Variants in TEKT3 observed in about 807,000 individuals in gnomAD.
TEKT3 encodes tektin 3, also known as tektin-3.
A neutral mutation model predicts 49.8 loss-of-function variants in TEKT3; 49 were observed. That is an observed-to-expected ratio of 0.98 (90% confidence interval 0.78 to 1.25). TEKT3 has a LOEUF of 1.25. Among genes scored for constraint, TEKT3 ranks in the 50% most tolerant of loss-of-function variants. TEKT3 has a pLI of 0.00. For synonymous variants in TEKT3, 225 were observed against 237.2 expected, an observed-to-expected ratio of 0.95 and a Z score of 0.47; for missense variants, 595 against 629.5, an observed-to-expected ratio of 0.95 and a Z score of 0.59.
At chr17:15,319,736 A>G (rs1313437109) in intron 4 of TEKT3, among the ~76,000 whole-genome samples, 1 of 152,170 alleles carries the variant, frequency 6.6e-6, no homozygotes, top group Non-Finnish European at 1.5e-5. Context: ...ACTGGACCAC[A>G]CACGTTGCCT....
chr17:15,309,702 T>C (rs113095286), intron 7 of TEKT3, among the ~76,000 whole-genome samples: 28 of 152,244 alleles, frequency 1.8e-4, no homozygotes, highest in Middle Eastern at 6.8e-3. Context: ...GCCAAATGTA[T>C]TCAACCATGG....
At chr17:15,313,699 G>A (rs1910865884) in intron 6 of TEKT3, among the ~76,000 whole-genome samples, 2 of 151,922 alleles carry the variant, frequency 1.3e-5, no homozygotes, top group South Asian at 4.2e-4. Flanking sequence ...AGTAGAGACG[G>A]GGTTTCACCA....
intron 5 of TEKT3, among the ~76,000 whole-genome samples, chr17:15,317,376 G>A (rs141214757): frequency 2.6e-5 from 4 of 152,258 alleles, no homozygotes; most frequent in Non-Finnish European, 5.9e-5. Flanking sequence ...AATAAAATGC[G>A]AATTAGGAAC....
Position 15,331,525 on chromosome 17 carries a change from T to C in TEKT3, c.61A>G (p.Asn21Asp), listed in dbSNP as rs2150750997. The change falls in exon 3 of 9, where the codon AAC becomes GAC. Residue 21 changes from asparagine (N) to aspartate (D), a missense_variant. Physicochemically the swap from Asn to Asp is conservative, Grantham distance 23 (BLOSUM62 1). Coordinates refer to ENST00000395930, the MANE Select transcript of TEKT3 (RefSeq NM_031898.3). ...TYAHPRPTPT[N>D]FLPAISTMAS... is the part of the protein sequence containing the mutation. ...ATGGTACTGATGGCTGGTAGAAAGT[T>C]GGTTGGTGTTGGTCTAGGGTGGGCG... 6.2e-7 allele frequency: 1 copy of C among 1,614,102 alleles called. No individual in the cohort carries two copies. The highest frequency in any genetic ancestry group is 1.3e-5 in the African/African-American group (1 of 75,020).
chr17:15,306,570 AAAG>A (rs1015752930), intron 8 of TEKT3, among the ~76,000 whole-genome samples: 5 of 152,138 alleles, frequency 3.3e-5, no homozygotes, highest in African/African-American at 9.7e-5. Context: ...AAAAAAAAAA[AAAG>A]AGTAAAAATC....
intron 8 of TEKT3, among the ~76,000 whole-genome samples, chr17:15,306,214 A>G (rs900577086): frequency 7.2e-5 from 11 of 151,978 alleles, no homozygotes; most frequent in Admixed American, 2.6e-4. Context: ...AATGTTTAGA[A>G]TCACTTTTGA....
At chr17:15,319,311 T>A (rs1911153343) in intron 4 of TEKT3, among the ~76,000 whole-genome samples, 164 bp from the exon 5 acceptor site, 1 of 152,204 alleles carries the variant, frequency 6.6e-6, no homozygotes, top group Admixed American at 6.5e-5. Context: ...ACATGCTCCA[T>A]GATACTGGAA....
chr17:15,307,780 A>G (rs1413430579), intron 8 of TEKT3, among the ~76,000 whole-genome samples: 2 of 152,142 alleles, frequency 1.3e-5, no homozygotes, highest in Non-Finnish European at 2.9e-5. Flanking sequence ...GTTGCTATCA[A>G]GTTGATTTAC....
At chr17:15,333,045 A>G (rs1188788468) in intron 2 of TEKT3, among the ~76,000 whole-genome samples, 3 of 149,560 alleles carry the variant, frequency 2.0e-5, no homozygotes, top group African/African-American at 7.4e-5. Context: ...TAACTTAAGT[A>G]TATTTTCTGG....
intron 3 of TEKT3, among the ~76,000 whole-genome samples, chr17:15,328,582 C>T (rs1284611045): frequency 6.6e-6 from 1 of 152,136 alleles, no homozygotes; most frequent in East Asian, 1.9e-4. Context: ...TGCCTTTACT[C>T]ACTAAAGAGA....
intron 2 of TEKT3, among the ~76,000 whole-genome samples, chr17:15,333,752 TTTTATTTTA>T (rs1911871960): frequency 1.5e-5 from 2 of 137,316 alleles, no homozygotes; most frequent in African/African-American, 2.9e-5. Context: ...TTTTATTTTA[TTTTATTTTA>T]TTTTATTTTT....
At chr17:15,341,810 G>A (rs1912244777), upstream of TEKT3, among the ~76,000 whole-genome samples, 1 of 152,202 alleles carries the variant, frequency 6.6e-6, no homozygotes. Flanking sequence ...CCGCCCTCCG[G>A]GAGACCTCCT....
At chr17:15,324,853 A>T (rs1045335918) in intron 4 of TEKT3, among the ~76,000 whole-genome samples, 1 of 152,186 alleles carries the variant, frequency 6.6e-6, no homozygotes, top group African/African-American at 2.4e-5. Context: ...GCCTATTCCA[A>T]TGTCACGAAT....
At chr17:15,308,389 A>G (rs1003116985) in intron 8 of TEKT3, among the ~76,000 whole-genome samples, 2 of 152,188 alleles carry the variant, frequency 1.3e-5, no homozygotes, top group Non-Finnish European at 2.9e-5. Flanking sequence ...TAAAATATAC[A>G]TAACATAAAA....
At chr17:15,342,265 G>A (rs1160054234), upstream of TEKT3, among the ~76,000 whole-genome samples, 1 of 152,138 alleles carries the variant, frequency 6.6e-6, no homozygotes, top group African/African-American at 2.4e-5. Context: ...ACTGAAGTTC[G>A]AGAAGTTAAT....
intron 4 of TEKT3, among the ~76,000 whole-genome samples, chr17:15,326,042 ACTCAGAGTTCT>A (rs1269702373): frequency 4.6e-5 from 7 of 152,184 alleles, no homozygotes; most frequent in African/African-American, 1.7e-4. Context: ...TATTATTTCA[ACTCAGAGTTCT>A]CTCAGAGAAC....
intron 2 of TEKT3, chr17:15,338,699 A>G (rs1344453664): frequency 1.4e-4 from 5 of 36,922 alleles, no homozygotes; most frequent in East Asian, 2.2e-3. Context: ...TTTTTTTTTT[A>G]GTAGAGACGG....
At chr17:15,310,451 C>T (rs1910722350) in intron 7 of TEKT3, among the ~76,000 whole-genome samples, 1 of 152,052 alleles carries the variant, frequency 6.6e-6, no homozygotes, top group Admixed American at 6.5e-5. Flanking sequence ...TAGGGTGGCC[C>T]TAATACAATA....
At chr17:15,328,292 A>T (rs1320749575) in intron 3 of TEKT3, among the ~76,000 whole-genome samples, 2 of 152,220 alleles carry the variant, frequency 1.3e-5, no homozygotes, top group Non-Finnish European at 2.9e-5. Flanking sequence ...TAGTTTGAAA[A>T]TATTCCTATC....
Sources: allele counts gnomAD v4.1 joint callset (sites outside exome capture counted in the v4.1 genomes callset), GRCh38; gene constraint gnomAD v4.1.1; transcripts MANE v1.5; gene names NCBI Gene and HGNC (gene_info 2026-07-23, HGNC 2026-07-21).